The following MYO3A variants were observed in gnomAD, a reference collection of about 807,000 sequenced individuals.
MYO3A encodes the protein myosin-IIIa.
A neutral mutation model predicts 192.7 loss-of-function variants in MYO3A; 180 were observed. The observed-to-expected ratio is 0.93, with a 90% CI of 0.83 to 1.06. MYO3A has a LOEUF of 1.06. Among genes scored for constraint, MYO3A ranks in the 50% least tolerant of loss-of-function variants. The probability of loss-of-function intolerance (pLI) is 0.00; values close to 1 mark genes in which losing one functional copy is unlikely to be tolerated. For missense variants in MYO3A, 1,896 were observed against 1,905.0 expected (o/e 1.00, Z 0.09); for synonymous variants, 628 against 645.3 (o/e 0.97, Z 0.41).
chr10:26,029,825 T>C (rs1842726992), intron 10 of MYO3A, among the ~76,000 whole-genome samples: 1 of 152,218 alleles, frequency 6.6e-6, no homozygotes, highest in Non-Finnish European at 1.5e-5. Flanking sequence ...GTTTCCTTAG[T>C]CTAGGGTTCA....
At chr10:25,940,364 A>G (rs1447409894) in intron 2 of MYO3A, among the ~76,000 whole-genome samples, 2 of 151,802 alleles carry the variant, frequency 1.3e-5, no homozygotes, top group Admixed American at 1.3e-4. Context: ...TGTTACAAGT[A>G]TTTGACATGT....
chr10:26,128,280 TG>T (rs1839328909), intron 19 of MYO3A, 110 bp from the exon 20 acceptor site: 2 of 1,119,836 alleles, frequency 1.8e-6, no homozygotes, highest in South Asian at 2.6e-5. Context: ...TCTAAGTGTA[TG>T]TTCTTATAGT....
intron 10 of MYO3A, among the ~76,000 whole-genome samples, chr10:26,058,626 T>C (rs1305160437): frequency 6.6e-6 from 1 of 152,242 alleles, no homozygotes; most frequent in Non-Finnish European, 1.5e-5. Context: ...ATAGGAAGTC[T>C]TGAAATTGCA....
At chr10:26,207,336 C>T (rs1029749074) in intron 34 of MYO3A, among the ~76,000 whole-genome samples, 1 of 152,028 alleles carries the variant, frequency 6.6e-6, no homozygotes. Context: ...CTTTTCTTTT[C>T]TCTTTTTAGG....
intron 4 of MYO3A, among the ~76,000 whole-genome samples, chr10:25,967,642 A>G (rs916324768): frequency 6.6e-6 from 1 of 152,238 alleles, no homozygotes; most frequent in Admixed American, 6.5e-5. Context: ...CAGACCCAGA[A>G]GTAACAGAGA....
intron 26 of MYO3A, among the ~76,000 whole-genome samples, chr10:26,164,826 G>C (rs1841657335): frequency 6.6e-6 from 1 of 152,202 alleles, no homozygotes; most frequent in Non-Finnish European, 1.5e-5. Context: ...GCGATGAACT[G>C]TGAGACCCTG....
At chr10:25,983,812 G>C (rs1233633720) in intron 4 of MYO3A, among the ~76,000 whole-genome samples, 1 of 152,192 alleles carries the variant, frequency 6.6e-6, no homozygotes, top group Admixed American at 6.5e-5. Context: ...ATAGTCATCA[G>C]GTTATCTAAA....
At chr10:26,183,998 G>A (rs1842745350) in intron 31 of MYO3A, among the ~76,000 whole-genome samples, 1 of 152,160 alleles carries the variant, frequency 6.6e-6, no homozygotes, top group Non-Finnish European at 1.5e-5. Context: ...AGGTGAGAGG[G>A]TTAGAGCCCC....
chr10:26,167,394 T>G (rs1841812332), intron 27 of MYO3A, among the ~76,000 whole-genome samples: 2 of 152,162 alleles, frequency 1.3e-5, no homozygotes, highest in Admixed American at 6.5e-5. Context: ...AATGAGTATT[T>G]TATTCACACC....
intron 10 of MYO3A, among the ~76,000 whole-genome samples, chr10:26,046,182 T>G (rs1843628574): frequency 6.6e-6 from 1 of 152,140 alleles, no homozygotes; most frequent in Non-Finnish European, 1.5e-5. Flanking sequence ...ACCTGTGGCT[T>G]GCTATTAATG....
chr10:26,025,286 T>C (rs1031736258), intron 9 of MYO3A, among the ~76,000 whole-genome samples: 1 of 152,258 alleles, frequency 6.6e-6, no homozygotes, highest in Admixed American at 6.5e-5. Flanking sequence ...GAAATGGCGC[T>C]ACTCAAGCCA....
At chr10:25,991,846 G>A (rs1476718455) in intron 4 of MYO3A, among the ~76,000 whole-genome samples, 1 of 152,022 alleles carries the variant, frequency 6.6e-6, no homozygotes, top group Non-Finnish European at 1.5e-5. Flanking sequence ...TTATTTCTGA[G>A]GGCTCTGTTC....
Position 26,203,096 on chromosome 10 carries a change from G to A in MYO3A, c.4719G>A (p.Lys1573=), listed in dbSNP as rs1217750646. ...PQQELQNQCI[K]ANERCWAAES... Reference sequence around the variant, plus strand: ...AAGAACTCCAGAATCAATGTATTAAGGCTAATGAAAGGTAAAAAGCTAAAC... The same window carrying A: ...AAGAACTCCAGAATCAATGTATTAAAGCTAATGAAAGGTAAAAAGCTAAAC... The change falls in exon 34 of 35, where the codon AAG becomes AAA. Residue 1573 remains lysine (K), a synonymous_variant. Transcript: ENST00000642920. 1 of 1,613,446 alleles carries A rather than the reference G, an allele frequency of 6.2e-7. No individual in the cohort carries two copies. The highest frequency in any genetic ancestry group is 8.5e-7 in the Non-Finnish European group (1 of 1,179,720).
At chr10:26,197,462 C>T (rs567704273) in intron 32 of MYO3A, among the ~76,000 whole-genome samples, 1 of 152,296 alleles carries the variant, frequency 6.6e-6, no homozygotes, top group Admixed American at 6.5e-5. Flanking sequence ...CTATACTTAC[C>T]AGAAGATCCC....
intron 4 of MYO3A, among the ~76,000 whole-genome samples, chr10:25,965,188 A>G (rs1239175058): frequency 6.6e-6 from 1 of 152,176 alleles, no homozygotes; most frequent in African/African-American, 2.4e-5. Context: ...TTGAATAAAC[A>G]TTCTACACCT....
rs1476163083 is a variant in MYO3A, at chr10:26,173,681, A to G, written c.3417A>G (p.Lys1139=). Residue 1139 remains lysine (K), a synonymous_variant, in exon 30 of 35, where the codon AAA becomes AAG. Coordinates refer to ENST00000642920, the MANE Select transcript of MYO3A (RefSeq NM_017433.5). ...FENTRESFVK[K]QAENAISANE... is the part of the protein sequence containing the mutation. ...TACACAGGGAATCTTTCGTGAAGAA[A>G]CAAGCAGAAAATGCAATCTCTGCTA... The G allele has an allele frequency of 3.1e-6, 5 of 1,613,696 alleles. No individual in the cohort carries two copies. The African/African-American group carries it at 4.0e-5, about 13-fold the overall frequency.
At chr10:25,998,973 C>T (rs1157072358) in intron 6 of MYO3A, among the ~76,000 whole-genome samples, 3 of 152,200 alleles carry the variant, frequency 2.0e-5, no homozygotes, top group Non-Finnish European at 4.4e-5. Flanking sequence ...TCTCGGCTCA[C>T]TGCAAGCTCT....
intron 20 of MYO3A, among the ~76,000 whole-genome samples, chr10:26,141,162 C>T (rs1285674750): frequency 6.6e-6 from 1 of 152,080 alleles, no homozygotes; most frequent in Non-Finnish European, 1.5e-5. Flanking sequence ...CTTCTGACCT[C>T]GTGATCTGCC....
At chr10:26,047,293 T>C (rs1179835663) in intron 10 of MYO3A, among the ~76,000 whole-genome samples, 2 of 151,416 alleles carry the variant, frequency 1.3e-5, no homozygotes, top group African/African-American at 4.8e-5. Flanking sequence ...ATACATCTTT[T>C]GGCCAGAAAA....
Sources: allele counts gnomAD v4.1 joint callset (sites outside exome capture counted in the v4.1 genomes callset), GRCh38; gene constraint gnomAD v4.1.1; transcripts MANE v1.5; gene names NCBI Gene and HGNC (gene_info 2026-07-23, HGNC 2026-07-21).